Variants in CNTNAP4 observed in about 807,000 individuals in gnomAD.
CNTNAP4 encodes contactin-associated protein-like 4.
A neutral mutation model predicts 148.4 loss-of-function variants in CNTNAP4; 98 were observed. That is an observed-to-expected ratio of 0.66 (90% CI 0.56 to 0.78). The LOEUF is 0.78. CNTNAP4 is among the 30% of genes least tolerant of loss of function. CNTNAP4 has a pLI of 0.00. For missense variants in CNTNAP4, 1,935 were observed against 1,565.6 expected, an observed-to-expected ratio of 1.24 and a Z score of -3.98; for synonymous variants, 730 against 565.1, an observed-to-expected ratio of 1.29 and a Z score of -4.14.
chr16:76,355,645 A>G (rs17699142), intron 3 of CNTNAP4, 134 bp downstream of exon 3: 77,163 of 555,756 alleles, frequency 0.14, 7,771 homozygotes, highest in East Asian at 0.44. Flanking sequence ...TCCAAGAGAA[A>G]ATATGGTAAA....
At chr16:76,467,712 C>A (rs1002975) in intron 10 of CNTNAP4, among the ~76,000 whole-genome samples, 189 bp downstream of exon 10, 88,862 of 152,022 alleles carry the variant, frequency 0.58, 26,298 homozygotes, top group African/African-American at 0.68. Flanking sequence ...TAAATGACAA[C>A]ATTTGGAAGA....
intron 3 of CNTNAP4, among the ~76,000 whole-genome samples, chr16:76,373,890 C>T (rs1597356643): frequency 9.5e-6 from 1 of 105,430 alleles, no homozygotes; most frequent in African/African-American, 3.8e-5. Flanking sequence ...AGTGAAACTC[C>T]ATCTCACAAA....
At chr16:76,359,668 A>G (rs1033239184) in intron 3 of CNTNAP4, among the ~76,000 whole-genome samples, 4 of 152,348 alleles carry the variant, frequency 2.6e-5, no homozygotes, top group Admixed American at 2.6e-4. Context: ...TGCAATGTTC[A>G]TAAAATATAA....
intron 9 of CNTNAP4, among the ~76,000 whole-genome samples, chr16:76,462,863 C>T (rs887029537): frequency 6.6e-6 from 1 of 152,130 alleles, no homozygotes. Context: ...GTTTTGTCAT[C>T]GTTATGTTAC....
chr16:76,422,703 T>C (rs548202264), intron 3 of CNTNAP4, among the ~76,000 whole-genome samples: 3 of 151,680 alleles, frequency 2.0e-5, no homozygotes, highest in East Asian at 3.9e-4. Flanking sequence ...GCACATAACC[T>C]CTATAATTTT....
intron 20 of CNTNAP4, 39 bp downstream of exon 20, chr16:76,539,891 AC>A: frequency 6.8e-7 from 1 of 1,469,260 alleles, no homozygotes; most frequent in Non-Finnish European, 9.2e-7. Context: ...CATTTTAATG[AC>A]TCTCCAGCAT....
At chr16:76,501,608 C>T (rs1180411459) in intron 15 of CNTNAP4, among the ~76,000 whole-genome samples, 1 of 152,118 alleles carries the variant, frequency 6.6e-6, no homozygotes, top group African/African-American at 2.4e-5. Flanking sequence ...ATGCTACTGG[C>T]ATGTAGTGGG....
At chr16:76,442,348 T>C (rs1323062044) in intron 4 of CNTNAP4, among the ~76,000 whole-genome samples, 1 of 152,194 alleles carries the variant, frequency 6.6e-6, no homozygotes. Flanking sequence ...AATTGTAAGA[T>C]AATAAATTTG....
At chr16:76,512,113 C>G (rs1378101315) in intron 15 of CNTNAP4, among the ~76,000 whole-genome samples, 1 of 151,832 alleles carries the variant, frequency 6.6e-6, no homozygotes, top group Non-Finnish European at 1.5e-5. Flanking sequence ...ACTCATGGAA[C>G]AGCCATATGG....
intron 1 of CNTNAP4, chr16:76,309,986 G>C: frequency 1.5e-6 from 1 of 672,726 alleles, no homozygotes; most frequent in East Asian, 2.7e-5. Context: ...TAAAACAGGG[G>C]CCAGTTGCTA....
intron 17 of CNTNAP4, among the ~76,000 whole-genome samples, chr16:76,528,085 G>C (rs28526498): frequency 0.34 from 51,950 of 151,896 alleles, 9,761 homozygotes; most frequent in East Asian, 0.48. Context: ...AATATGAAAT[G>C]TTAGAAATTT....
chr16:76,522,780 C>CTTTTCT (rs1184582301), intron 17 of CNTNAP4, among the ~76,000 whole-genome samples: 1 of 95,850 alleles, frequency 1.0e-5, no homozygotes, highest in Non-Finnish European at 2.4e-5. Flanking sequence ...TCTTTTCTTT[C>CTTTTCT]TTGACAGAGT....
intron 2 of CNTNAP4, 45 bp from the exon 3 acceptor site, chr16:76,355,273 A>T (rs1203423899): frequency 7.1e-6 from 10 of 1,413,686 alleles, no homozygotes; most frequent in African/African-American, 1.4e-5. Context: ...ATTTTTAACT[A>T]ACTTTCCTTT....
intron 21 of CNTNAP4, among the ~76,000 whole-genome samples, chr16:76,548,420 A>AT (rs576769189): frequency 2.1e-5 from 3 of 143,366 alleles, no homozygotes; most frequent in South Asian, 4.5e-4. Flanking sequence ...CTGAGTTTTT[A>AT]TTTTTTTGCT....
rs561226271 is a variant in CNTNAP4 at position 76,333,893 on chromosome 16, A to G, written c.196+17370A>G. 9.2e-5 allele frequency among the ~76,000 whole-genome samples: 13 copies of G among 140,642 alleles called. No homozygotes were observed. In the East Asian group the frequency reaches 2.5e-3, roughly 27 times the overall value. The allele number at this position is 140,642 out of a possible 152,430, so 92.3% of individuals were successfully genotyped here. A position where few individuals can be genotyped will look rare whatever the true frequency, so the allele number is the denominator to read the frequency against. On this transcript the variant is annotated intron_variant, in intron 2 of 23. Transcript: ENST00000611870. ...CCACCAACAGCGTAAAAGTGTTCCTATTTCTCCACATCCTCTACAGCACCT... is the reference window on the plus strand; with the variant it reads ...CCACCAACAGCGTAAAAGTGTTCCTGTTTCTCCACATCCTCTACAGCACCT...
intron 19 of CNTNAP4, among the ~76,000 whole-genome samples, chr16:76,538,572 G>A (rs1380386089): frequency 6.6e-6 from 1 of 151,892 alleles, no homozygotes; most frequent in African/African-American, 2.4e-5. Context: ...CATATTCAAT[G>A]TATAATTTTA....
At chr16:76,460,779 T>A (rs374762989) in intron 8 of CNTNAP4, among the ~76,000 whole-genome samples, 22,759 of 57,978 alleles carry the variant, frequency 0.39, 5,680 homozygotes, top group Non-Finnish European at 0.53. Context: ...AAAAAATATA[T>A]ATATATATAT....
At chr16:76,307,096 AAC>A (rs1960555948) in intron 1 of CNTNAP4, among the ~76,000 whole-genome samples, 1 of 152,226 alleles carries the variant, frequency 6.6e-6, no homozygotes, top group African/African-American at 2.4e-5. Context: ...TTCATTGAAT[AAC>A]ACAAAAAGCA....
At chr16:76,421,549 T>G (rs1033587739) in intron 3 of CNTNAP4, among the ~76,000 whole-genome samples, 7 of 152,260 alleles carry the variant, frequency 4.6e-5, no homozygotes, top group African/African-American at 1.7e-4. Context: ...TATTTCTGTT[T>G]GCTTTTATTA....
Sources: gnomAD v4.1 joint callset for allele counts (sites outside exome capture counted in the v4.1 genomes callset) on GRCh38, gnomAD v4.1.1 for gene constraint, MANE v1.5 for transcripts, NCBI Gene and HGNC (gene_info 2026-07-23, HGNC 2026-07-21) for gene names.